Variants in SPTBN2 observed in about 807,000 individuals in gnomAD.
SPTBN2 encodes spectrin beta chain, non-erythrocytic 2.
Under a neutral mutation model 284.2 loss-of-function variants are expected in SPTBN2, and 107 were observed. The observed-to-expected ratio is 0.38, with a 90% CI of 0.32 to 0.44. SPTBN2 has a LOEUF of 0.44. Among genes scored for constraint, SPTBN2 ranks in the 20% least tolerant of loss-of-function variants. The pLI is 1.00. For missense variants in SPTBN2, 2,569 were observed against 3,287.1 expected, an observed-to-expected ratio of 0.78 and a Z score of 5.34; for synonymous variants, 1,289 against 1,354.8, an observed-to-expected ratio of 0.95 and a Z score of 1.07.
upstream of SPTBN2, among the ~76,000 whole-genome samples, chr11:66,730,581 CAAAAAAA>C (rs35527505): frequency 9.7e-6 from 1 of 103,210 alleles, no homozygotes; most frequent in Admixed American, 1.0e-4. Context: ...ACTCCATCTC[CAAAAAAA>C]AAAAAAAAAA....
At chr11:66,699,649 C>A in intron 17 of SPTBN2, 41 bp from the exon 18 acceptor site, 1 of 1,608,332 alleles carries the variant, frequency 6.2e-7, no homozygotes, top group Non-Finnish European at 8.5e-7. Flanking sequence ...TTCCCCAGCA[C>A]AATTCACCCC....
At chr11:66,698,349 C>T (rs891990017) in intron 20 of SPTBN2, among the ~76,000 whole-genome samples, 4 of 152,214 alleles carry the variant, frequency 2.6e-5, no homozygotes, top group African/African-American at 9.7e-5. Flanking sequence ...TTTGCAGAGC[C>T]TGCTGAAGAG....
In SPTBN2 at chr11:66,708,309, G is replaced by A. The variant is rs769505184; in HGVS notation, c.1192-10C>T. Reference sequence around the variant, plus strand: ...CCAGCCGCTCCCAAGCCTATGGGGTGGGGACAGGGTTAGTGGAAGGGACAG... The same window carrying A: ...CCAGCCGCTCCCAAGCCTATGGGGTAGGGACAGGGTTAGTGGAAGGGACAG... On this transcript the variant is annotated splice_polypyrimidine_tract_variant and intron_variant, in intron 11 of 37. Transcript: ENST00000533211. This position sits in a 1 kb window ranked among gnomAD's most constrained non-coding sequence, Gnocchi z 4.4. 6 of 1,582,098 alleles carry A rather than the reference G, an allele frequency of 3.8e-6. No homozygotes were observed. The highest frequency in any genetic ancestry group is 3.4e-5 in the Admixed American group (2 of 58,848).
At chr11:66,713,881 C>A (rs968142165) in intron 7 of SPTBN2, 135 bp from the exon 8 acceptor site, 17 of 872,692 alleles carry the variant, frequency 1.9e-5, no homozygotes, top group Non-Finnish European at 3.2e-5. Flanking sequence ...ACCCACACTG[C>A]TGCTCACAGC....
intron 20 of SPTBN2, among the ~76,000 whole-genome samples, chr11:66,697,457 C>A (rs901232459): frequency 4.6e-5 from 7 of 152,110 alleles, no homozygotes; most frequent in African/African-American, 1.4e-4. Context: ...CTTCCCGGGG[C>A]TTCTCTCCCA....
Position 66,685,937 on chromosome 11 carries a change from G to C in SPTBN2, c.7107C>G (p.Leu2369=). Residue 2369 remains leucine (L), a synonymous_variant, in exon 38 of 38, where the codon CTC becomes CTG. Coordinates refer to ENST00000533211, the MANE Select transcript of SPTBN2 (RefSeq NM_006946.4). The surrounding 1 kb of genome is among the most constrained non-coding windows in gnomAD (Gnocchi z 4.4). ...CTCGTTCTCTGCCGTCTTTGCTGCG[G>C]AGCACAACAGGCCCCTCAGCCCCGA... ...SPVGAEGPVV[L]RSKDGRERER... is the part of the protein sequence containing the mutation. The C allele has an allele frequency of 6.2e-7, 1 of 1,613,906 alleles. No homozygotes were observed. The highest frequency in any genetic ancestry group is 8.5e-7 in the Non-Finnish European group (1 of 1,180,036).
chr11:66,698,525 GT>G, intron 20 of SPTBN2, 113 bp downstream of exon 20: 1 of 1,505,352 alleles, frequency 6.6e-7, no homozygotes, highest in Non-Finnish European at 9.2e-7. Context: ...CCATGGAGCT[GT>G]GGCACCAGAA....
At chr11:66,713,596 C>T in intron 8 of SPTBN2, 35 bp downstream of exon 8, 1 of 1,575,396 alleles carries the variant, frequency 6.3e-7, no homozygotes, top group Non-Finnish European at 8.7e-7. Flanking sequence ...CTGTCTCTAC[C>T]CTACCACCTC....
chr11:66,725,327 T>G (rs1351250008), intron 1 of SPTBN2, among the ~76,000 whole-genome samples: 1 of 152,234 alleles, frequency 6.6e-6, no homozygotes, highest in African/African-American at 2.4e-5. Flanking sequence ...CCAAGCATTC[T>G]GGCTCTGTAG....
Position 66,718,922 on chromosome 11 carries a change from G to A in SPTBN2, c.157+2162C>T, listed in dbSNP as rs578200935. On this transcript the variant is annotated intron_variant, in intron 3 of 37. Transcript: ENST00000533211. This position sits in a 1 kb window ranked among gnomAD's most constrained non-coding sequence, Gnocchi z 4.8. ...CGGCGGGGGCAGGGCCAGGCCCTGC[G>A]GGGCGGCGGAGGAGGGCACTGCCAG... Among the ~76,000 whole-genome samples the A allele has an allele frequency of 6.6e-6, 1 of 152,172 alleles. No individual in the cohort carries two copies. Among genetic ancestry groups the A allele is most frequent in the South Asian group, 2.1e-4 (1 of 4,832 alleles).
At position 66,708,620 on chromosome 11, in the gene SPTBN2, G is replaced by A. The variant is rs926163547; in HGVS notation, c.1191+282C>T. ...AAAAAAATAAAAGAAGGGATAGTGA[G>A]TTGGGGACAGGTTTAACAAGCTGAG... On this transcript the variant is annotated intron_variant, in intron 11 of 37. Transcript: ENST00000533211. This position sits in a 1 kb window ranked among gnomAD's most constrained non-coding sequence, Gnocchi z 4.4. Among the ~76,000 whole-genome samples the A allele has an allele frequency of 9.9e-5, 15 of 152,232 alleles. No individual in the cohort carries two copies. Among genetic ancestry groups the A allele is most frequent in the African/African-American group, 3.4e-4 (14 of 41,454 alleles).
At chr11:66,692,080 A>T (rs1940593727) in intron 26 of SPTBN2, among the ~76,000 whole-genome samples, 1 of 151,740 alleles carries the variant, frequency 6.6e-6, no homozygotes, top group Non-Finnish European at 1.5e-5. Context: ...CAATTCTTCA[A>T]ATTGTGTGTG....
Position 66,685,578 on chromosome 11 carries a change from G to A in SPTBN2, c.*293C>T. 2.3e-6 allele frequency: 1 copy of A among 434,212 alleles called. No homozygotes were observed. Among genetic ancestry groups the A allele is most frequent in the Non-Finnish European group, 4.3e-6 (1 of 231,512 alleles). 26.9% of individuals were successfully genotyped at this position (434,212 alleles called of 1,614,324 possible). A position where few individuals can be genotyped will look rare whatever the true frequency, so the allele number is the denominator to read the frequency against. On this transcript the variant is annotated 3_prime_UTR_variant, in exon 38 of 38. Coordinates refer to ENST00000533211, the MANE Select transcript of SPTBN2 (RefSeq NM_006946.4). The surrounding 1 kb of genome is among the most constrained non-coding windows in gnomAD (Gnocchi z 4.4). ...TGGCCTATGTTGAGGGTGCGGCACT[G>A]TCCACACCGTGGTGAGGGACAGAGG...
intron 20 of SPTBN2, 147 bp from the exon 21 acceptor site, chr11:66,696,687 C>A: frequency 1.7e-6 from 2 of 1,144,254 alleles, no homozygotes; most frequent in Non-Finnish European, 2.5e-6. Context: ...ACACACTCTT[C>A]ACGGAGGTTT....
intron 15 of SPTBN2, among the ~76,000 whole-genome samples, chr11:66,704,134 G>A (rs1408420938): frequency 5.9e-5 from 9 of 151,776 alleles, no homozygotes; most frequent in African/African-American, 2.2e-4. Context: ...CACTGTGCCC[G>A]GCTAATTTTT....
intron 1 of SPTBN2, chr11:66,728,059 A>ACCCGACCCCGAC (rs899301967): frequency 3.5e-5 from 5 of 143,744 alleles, no homozygotes; most frequent in Admixed American, 2.1e-4. Flanking sequence ...GGCCGCCGGG[A>ACCCGACCCCGAC]CCCGACCCCG....
chr11:66,693,426 C>T lies in SPTBN2; in HGVS notation c.4614G>A (p.Gln1538=), dbSNP rs977631298. 2 of 1,599,394 alleles carry T rather than the reference C, an allele frequency of 1.3e-6. No homozygotes were observed. Among genetic ancestry groups the T allele is most frequent in the Non-Finnish European group, 1.7e-6 (2 of 1,179,754 alleles). ...KKNQTLQKEI[Q]GHEPRIADLR... ...GGTCCGCGATCCGGGGCTCATGGCC[C>T]TGAATCTCTTTCTGCAGGGTCTGCC... is the stretch of plus-strand genomic sequence containing the variant. Residue 1538 remains glutamine, a synonymous_variant, in exon 24 of 38, where the codon CAG becomes CAA. Transcript: ENST00000533211. This position sits in a 1 kb window ranked among gnomAD's most constrained non-coding sequence, Gnocchi z 5.7.
At chr11:66,741,250 T>C (rs1942893739) in intron 1 of SPTBN2, among the ~76,000 whole-genome samples, 1 of 152,196 alleles carries the variant, frequency 6.6e-6, no homozygotes, top group African/African-American at 2.4e-5. Context: ...CCTGTTCTTC[T>C]GATAGTGAAT....
chr11:66,713,755 G>A lies in SPTBN2; in HGVS notation c.657-9C>T. ...AATCCAGCAGGTCTGGCCTGGGTGGGGAGGCAAGACAGAAGGGATCAGAAA... is the reference window on the plus strand; with the variant it reads ...AATCCAGCAGGTCTGGCCTGGGTGGAGAGGCAAGACAGAAGGGATCAGAAA... On this transcript the variant is annotated splice_polypyrimidine_tract_variant and intron_variant, in intron 7 of 37. Transcript: ENST00000533211. The A allele has an allele frequency of 1.3e-6, 2 of 1,591,428 alleles. No individual in the cohort carries two copies. The highest frequency in any genetic ancestry group is 8.6e-7 in the Non-Finnish European group (1 of 1,159,670).
Sources: gnomAD v4.1 joint callset for allele counts (sites outside exome capture counted in the v4.1 genomes callset) on GRCh38, gnomAD v4.1.1 for gene constraint, Gnocchi (gnomAD v3.1) non-coding constraint, MANE v1.5 for transcripts, NCBI Gene and HGNC (gene_info 2026-07-23, HGNC 2026-07-21) for gene names.